Variants in CMKLR1 observed in about 807,000 individuals in gnomAD.
CMKLR1 encodes the protein chemerin-like receptor 1.
CMKLR1 carries 6 observed loss-of-function variants against 8.2 expected under a neutral mutation model. The observed-to-expected ratio is 0.73, with a 90% CI of 0.40 to 1.44. The LOEUF is 1.44. Ranked by LOEUF, CMKLR1 falls within the 40% of genes most tolerant of loss-of-function variation. The probability of loss-of-function intolerance (pLI) is 0.02; values close to 1 mark genes in which losing one functional copy is unlikely to be tolerated. For synonymous variants in CMKLR1, 178 were observed against 181.2 expected, an observed-to-expected ratio of 0.98 and a Z score of 0.14; for missense variants, 429 against 478.0, an observed-to-expected ratio of 0.90 and a Z score of 0.96.
chr12:108,310,181 G>GTA (rs1891515385), intron 2 of CMKLR1, among the ~76,000 whole-genome samples: 1 of 151,764 alleles, frequency 6.6e-6, no homozygotes, highest in African/African-American at 2.4e-5. Flanking sequence ...GTGTGTGTGT[G>GTA]TGTGTGTGTG....
chr12:108,305,829 C>T (rs957035933), intron 2 of CMKLR1, among the ~76,000 whole-genome samples: 5 of 152,190 alleles, frequency 3.3e-5, no homozygotes, highest in Non-Finnish European at 7.3e-5. Flanking sequence ...CATTTTCTTT[C>T]GGGTTTGGAA....
chr12:108,310,272 A>G (rs1891519595), intron 2 of CMKLR1, among the ~76,000 whole-genome samples: 1 of 152,072 alleles, frequency 6.6e-6, no homozygotes, highest in Admixed American at 6.6e-5. Flanking sequence ...CCTGCAAGCC[A>G]TCAACTTTAT....
At chr12:108,336,404 G>A (rs2137350160) in intron 1 of CMKLR1, among the ~76,000 whole-genome samples, 1 of 152,288 alleles carries the variant, frequency 6.6e-6, no homozygotes, top group African/African-American at 2.4e-5. Flanking sequence ...AAATTAGCCG[G>A]GCGGGGTGGT....
At chr12:108,317,143 TAACACACA>T (rs1335655936) in intron 2 of CMKLR1, among the ~76,000 whole-genome samples, 52 of 152,178 alleles carry the variant, frequency 3.4e-4, no homozygotes, top group Non-Finnish European at 1.5e-5. Context: ...AGGTGTGATT[TAACACACA>T]GCCTGTTTGG....
chr12:108,328,817 T>C (rs1340474377), intron 2 of CMKLR1, among the ~76,000 whole-genome samples: 1 of 152,240 alleles, frequency 6.6e-6, no homozygotes, highest in Non-Finnish European at 1.5e-5. Flanking sequence ...TGGCCAAGTC[T>C]GCCTCTCTCC....
intron 1 of CMKLR1, among the ~76,000 whole-genome samples, chr12:108,332,582 C>T (rs954757307): frequency 6.6e-6 from 1 of 152,082 alleles, no homozygotes; most frequent in African/African-American, 2.4e-5. Context: ...AAGGAGAGAC[C>T]GGCCTAGCCT....
At chr12:108,307,494 G>A (rs1421624662) in intron 2 of CMKLR1, among the ~76,000 whole-genome samples, 1 of 152,188 alleles carries the variant, frequency 6.6e-6, no homozygotes, top group East Asian at 1.9e-4. Flanking sequence ...CCAGCCACAG[G>A]GTCCCAATCT....
At chr12:108,302,971 C>T (rs1891317036) in intron 2 of CMKLR1, among the ~76,000 whole-genome samples, 1 of 152,148 alleles carries the variant, frequency 6.6e-6, no homozygotes, top group Admixed American at 6.5e-5. Flanking sequence ...TCCCTCCTCT[C>T]CTGAGGTCCA....
At chr12:108,316,079 A>T (rs1296279906) in intron 2 of CMKLR1, among the ~76,000 whole-genome samples, 2 of 152,226 alleles carry the variant, frequency 1.3e-5, no homozygotes, top group Non-Finnish European at 1.5e-5. Context: ...GAAACAGTGC[A>T]TACTTCATGG....
At chr12:108,332,302 T>C (rs2137345460) in intron 1 of CMKLR1, among the ~76,000 whole-genome samples, 1 of 152,270 alleles carries the variant, frequency 6.6e-6, no homozygotes, top group East Asian at 1.9e-4. Context: ...TCCTAGCACT[T>C]TGGGAGGCCA....
chr12:108,305,522 A>G (rs1374761327), intron 2 of CMKLR1, among the ~76,000 whole-genome samples: 1 of 152,140 alleles, frequency 6.6e-6, no homozygotes, highest in Admixed American at 6.5e-5. Flanking sequence ...CTTCTGGGCC[A>G]GTCCATTCAC....
At chr12:108,337,062 C>T (rs1892243223) in intron 1 of CMKLR1, among the ~76,000 whole-genome samples, 2 of 152,160 alleles carry the variant, frequency 1.3e-5, no homozygotes, top group Non-Finnish European at 2.9e-5. Context: ...ATAATAATAT[C>T]AAATAATATC....
intron 2 of CMKLR1, among the ~76,000 whole-genome samples, chr12:108,324,968 G>T (rs1891948377): frequency 6.6e-6 from 1 of 152,166 alleles, no homozygotes; most frequent in Non-Finnish European, 1.5e-5. Context: ...ATAAGTGCTT[G>T]GTTTTGCCCA....
chr12:108,301,053 A>G (rs1404013124), intron 2 of CMKLR1, among the ~76,000 whole-genome samples: 1 of 150,926 alleles, frequency 6.6e-6, no homozygotes, highest in Non-Finnish European at 1.5e-5. Context: ...TCTGACCACA[A>G]TCAGCATCCA....
At chr12:108,330,570 A>G (rs576247841) in intron 1 of CMKLR1, among the ~76,000 whole-genome samples, 14 of 152,338 alleles carry the variant, frequency 9.2e-5, no homozygotes, top group Admixed American at 2.6e-4. Flanking sequence ...TGCCAATTCA[A>G]TTCAATGCCA....
At chr12:108,294,492 A>T (rs1891077856) in intron 2 of CMKLR1, among the ~76,000 whole-genome samples, 1 of 152,204 alleles carries the variant, frequency 6.6e-6, no homozygotes, top group Admixed American at 6.5e-5. Flanking sequence ...AACCCCGGAC[A>T]CTTATGAGCT....
At chr12:108,301,741 A>G (rs2137304084) in intron 2 of CMKLR1, among the ~76,000 whole-genome samples, 1 of 152,334 alleles carries the variant, frequency 6.6e-6, no homozygotes, top group Non-Finnish European at 1.5e-5. Context: ...CTTTGGAAAC[A>G]TACAGAGCTT....
rs569566350 is a variant in CMKLR1, at chr12:108,331,073, G to A, written c.-286-866C>T. Among the ~76,000 whole-genome samples the A allele has an allele frequency of 2.0e-4, 30 of 152,316 alleles. 1 individual carries two copies. The highest frequency in any genetic ancestry group is 3.4e-3 in the Middle Eastern group (1 of 294). ...AAGCATGTCTCCCTAGCATGGGGCA[G>A]AGACAGAAAGGTTCTCATAACTAGA... On this transcript the variant is annotated intron_variant, in intron 1 of 3. Coordinates refer to ENST00000550402, the MANE Select transcript of CMKLR1 (RefSeq NM_001142343.2).
At chr12:108,297,684 T>G (rs552294296) in intron 2 of CMKLR1, among the ~76,000 whole-genome samples, 3 of 152,324 alleles carry the variant, frequency 2.0e-5, no homozygotes, top group Admixed American at 6.5e-5. Context: ...AGAATCTGAC[T>G]TCCAAGGATC....
Sources: gnomAD v4.1 joint callset for allele counts (sites outside exome capture counted in the v4.1 genomes callset) on GRCh38, gnomAD v4.1.1 for gene constraint, MANE v1.5 for transcripts, NCBI Gene and HGNC (gene_info 2026-07-23, HGNC 2026-07-21) for gene names.